Variants in TMEM132D observed in about 807,000 individuals in gnomAD.
The protein encoded by TMEM132D is transmembrane protein 132D.
A neutral mutation model predicts 62.3 loss-of-function variants in TMEM132D; 21 were observed. The observed-to-expected ratio is 0.34, with a 90% CI of 0.24 to 0.49. TMEM132D has a LOEUF of 0.49. TMEM132D is among the 20% of genes least tolerant of loss of function. TMEM132D has a pLI of 0.99. For synonymous variants in TMEM132D, 621 were observed against 575.6 expected (o/e 1.08, Z -1.13); for missense variants, 1,346 against 1,402.8 (o/e 0.96, Z 0.65).
intron 3 of TMEM132D, among the ~76,000 whole-genome samples, chr12:129,461,241 T>C (rs1035064171): frequency 6.6e-6 from 1 of 152,030 alleles, no homozygotes; most frequent in Non-Finnish European, 1.5e-5. Context: ...AGGGTGAAAG[T>C]CTTAGTCCAG....
intron 3 of TMEM132D, among the ~76,000 whole-genome samples, chr12:129,346,685 C>T (rs2135665367): frequency 6.6e-6 from 1 of 152,262 alleles, no homozygotes; most frequent in African/African-American, 2.4e-5. Flanking sequence ...TCCTATTCAA[C>T]ACAGTATTGG....
intron 2 of TMEM132D, among the ~76,000 whole-genome samples, chr12:129,595,863 A>C (rs780309751): frequency 6.6e-6 from 1 of 152,240 alleles, no homozygotes; most frequent in African/African-American, 2.4e-5. Flanking sequence ...TCCCAGTGCC[A>C]TATGAGCTAG....
chr12:129,800,361 T>G (rs2137306201), intron 1 of TMEM132D, among the ~76,000 whole-genome samples: 1 of 149,854 alleles, frequency 6.7e-6, no homozygotes, highest in African/African-American at 2.5e-5. Context: ...AATCAAGGGT[T>G]AAAGCAGCAA....
At chr12:129,585,841 C>CTGTG (rs1878013760) in intron 2 of TMEM132D, among the ~76,000 whole-genome samples, 1 of 99,526 alleles carries the variant, frequency 1.0e-5, no homozygotes, top group Non-Finnish European at 2.0e-5. Flanking sequence ...GTGTGTGTGT[C>CTGTG]TGTGTGTGTG....
intron 2 of TMEM132D, among the ~76,000 whole-genome samples, chr12:129,589,122 T>A (rs1878120449): frequency 1.3e-5 from 2 of 152,158 alleles, no homozygotes; most frequent in Admixed American, 1.3e-4. Flanking sequence ...AAATCTCATC[T>A]TGAATTGTAG....
At chr12:129,249,095 A>G (rs1434715104) in intron 4 of TMEM132D, among the ~76,000 whole-genome samples, 1 of 152,150 alleles carries the variant, frequency 6.6e-6, no homozygotes, top group African/African-American at 2.4e-5. Flanking sequence ...CAGAGGAACT[A>G]TCTCATCCTC....
At chr12:129,527,586 C>T (rs916751877) in intron 3 of TMEM132D, among the ~76,000 whole-genome samples, 3 of 152,220 alleles carry the variant, frequency 2.0e-5, no homozygotes, top group East Asian at 3.9e-4. Flanking sequence ...CTCCTTTCTA[C>T]GTGACACCTA....
At chr12:129,402,924 A>C (rs1871664398) in intron 3 of TMEM132D, among the ~76,000 whole-genome samples, 1 of 152,106 alleles carries the variant, frequency 6.6e-6, no homozygotes, top group Non-Finnish European at 1.5e-5. Flanking sequence ...CACAGCACCC[A>C]CAGTCACCTT....
rs549208174 is a variant in TMEM132D, at chr12:129,105,872, A to T, written c.1444-21170T>A. On this transcript the variant is annotated intron_variant, in intron 5 of 8. Coordinates refer to ENST00000422113, the MANE Select transcript of TMEM132D (RefSeq NM_133448.3). ...AAGTCAGTGTGGCGATTCCTCAGGG[A>T]TCTAGAACTAGAAATACCATTTGAC... 7.3e-5 allele frequency among the ~76,000 whole-genome samples: 11 copies of T among 151,014 alleles called. No individual in the cohort carries two copies. The South Asian group carries it at 2.1e-3, about 29-fold the overall frequency.
chr12:129,859,633 A>G (rs966950732), intron 1 of TMEM132D, among the ~76,000 whole-genome samples: 9 of 152,206 alleles, frequency 5.9e-5, no homozygotes, highest in African/African-American at 2.2e-4. Flanking sequence ...TCAGCTGCCA[A>G]CGCGGCTAGA....
chr12:129,599,402 T>C (rs1878429795), intron 2 of TMEM132D, among the ~76,000 whole-genome samples: 1 of 152,248 alleles, frequency 6.6e-6, no homozygotes. Flanking sequence ...CCAGCCACTA[T>C]CTATTCTGCA....
chr12:129,473,324 G>GTTTT (rs751523415), intron 3 of TMEM132D, among the ~76,000 whole-genome samples: 3,507 of 81,356 alleles, frequency 0.043, 434 homozygotes, highest in African/African-American at 0.076. Context: ...TTTAGTTTTT[G>GTTTT]TTTTTTTTTT....
chr12:129,131,750 TA>T (rs1292065188), intron 5 of TMEM132D, among the ~76,000 whole-genome samples: 2 of 152,204 alleles, frequency 1.3e-5, no homozygotes, highest in East Asian at 3.8e-4. Flanking sequence ...ATGTCACACT[TA>T]AATACCATCA....
chr12:129,818,395 G>C (rs59786109), intron 1 of TMEM132D, among the ~76,000 whole-genome samples: 81 of 146,594 alleles, frequency 5.5e-4, no homozygotes, highest in African/African-American at 1.8e-3. Context: ...GTGTGATGTC[G>C]GGGGTGTGTG....
chr12:129,716,363 C>G (rs1350830262), intron 1 of TMEM132D, among the ~76,000 whole-genome samples: 3 of 152,154 alleles, frequency 2.0e-5, no homozygotes, highest in East Asian at 3.9e-4. Flanking sequence ...CAGCAAACAG[C>G]CTGTGAAAAG....
chr12:129,580,487 C>T (rs568165965), intron 2 of TMEM132D, among the ~76,000 whole-genome samples: 1 of 152,266 alleles, frequency 6.6e-6, no homozygotes, highest in South Asian at 2.1e-4. Flanking sequence ...TAACAGATGT[C>T]TACATCTTTT....
intron 4 of TMEM132D, among the ~76,000 whole-genome samples, chr12:129,272,118 A>G (rs1290446098): frequency 6.6e-6 from 1 of 151,840 alleles, no homozygotes; most frequent in African/African-American, 2.4e-5. Context: ...AAACATCTCA[A>G]GAGTGATGCT....
At chr12:129,105,715 A>T (rs994223088) in intron 5 of TMEM132D, among the ~76,000 whole-genome samples, 6 of 151,510 alleles carry the variant, frequency 4.0e-5, no homozygotes, top group African/African-American at 1.2e-4. Flanking sequence ...AACCACAATG[A>T]GATACCATCT....
chr12:129,734,741 C>G (rs2137254735), intron 1 of TMEM132D, among the ~76,000 whole-genome samples: 1 of 152,002 alleles, frequency 6.6e-6, no homozygotes, highest in Admixed American at 6.5e-5. Flanking sequence ...CTTCAGGAAA[C>G]AAAAGCAAAG....
Sources: allele counts gnomAD v4.1 joint callset (sites outside exome capture counted in the v4.1 genomes callset), GRCh38; gene constraint gnomAD v4.1.1; transcripts MANE v1.5; gene names NCBI Gene and HGNC (gene_info 2026-07-23, HGNC 2026-07-21).